MEF2A: variants seen among roughly 807,000 people sequenced by gnomAD.
The protein encoded by MEF2A is myocyte-specific enhancer factor 2A.
Under a neutral mutation model 55.8 loss-of-function variants are expected in MEF2A, and 28 were observed. The observed-to-expected ratio is 0.50, with a 90% confidence interval of 0.37 to 0.69. The LOEUF (loss-of-function observed/expected upper bound fraction) is 0.69, where lower values mean the gene tolerates loss of function less well. Among genes scored for constraint, MEF2A ranks in the 30% least tolerant of loss-of-function variants. The pLI is 0.00. For missense variants in MEF2A, 528 were observed against 626.2 expected (o/e 0.84, Z 1.67); for synonymous variants, 239 against 227.1 (o/e 1.05, Z -0.47).
rs184272479 is a variant in MEF2A, at chr15:99,663,162, G to A, written c.259-8161G>A. Among the ~76,000 whole-genome samples, 17 of 151,958 alleles carry A rather than the reference G, an allele frequency of 1.1e-4. No homozygotes were observed. The East Asian group carries it at 2.7e-3, about 24-fold the overall frequency. ...GATACTCCAGCAGTATAGGCTCTTC[G>A]ATCCAAAATGTAGTGTCATATGTCA... On this transcript the variant is annotated intron_variant, in intron 4 of 11. Coordinates refer to ENST00000557942, the MANE Select transcript of MEF2A (RefSeq NM_001319206.4).
intron 4 of MEF2A, among the ~76,000 whole-genome samples, chr15:99,670,345 A>G (rs1347336889): frequency 6.6e-6 from 1 of 152,230 alleles, no homozygotes; most frequent in Non-Finnish European, 1.5e-5. Flanking sequence ...ACAGTGGCTC[A>G]CGCCTGTAAT....
chr15:99,652,693 C>T (rs2047054140), intron 4 of MEF2A, among the ~76,000 whole-genome samples: 1 of 152,172 alleles, frequency 6.6e-6, no homozygotes, highest in Admixed American at 6.5e-5. Context: ...TGGATAGCCA[C>T]TGAAAGAGCT....
chr15:99,631,849 A>G (rs1596617452), intron 2 of MEF2A, among the ~76,000 whole-genome samples: 2 of 152,318 alleles, frequency 1.3e-5, no homozygotes, highest in South Asian at 4.1e-4. Context: ...ATAAGAAACG[A>G]AAGGCTTATA....
At chr15:99,696,995 A>G (rs970778834) in intron 8 of MEF2A, among the ~76,000 whole-genome samples, 3 of 152,148 alleles carry the variant, frequency 2.0e-5, no homozygotes, top group African/African-American at 7.2e-5. Context: ...GGCTGAGTCT[A>G]CATTTGAAAA....
intron 2 of MEF2A, among the ~76,000 whole-genome samples, chr15:99,627,419 CAAAAAAAAAAAAAA>C (rs139658538): frequency 2.6e-4 from 11 of 43,058 alleles, no homozygotes; most frequent in African/African-American, 6.6e-4. Flanking sequence ...GACTTTATCT[CAAAAAAAAAAAAAA>C]AAAAAAAAAA....
chr15:99,710,571 G>GT (rs1476236627), intron 10 of MEF2A, 63 bp from the exon 11 acceptor site: 3 of 1,569,556 alleles, frequency 1.9e-6, no homozygotes, highest in African/African-American at 2.7e-5. Flanking sequence ...CAGTAGCTAC[G>GT]TAAAAAATAG....
At chr15:99,606,144 C>T (rs2047981721) in intron 2 of MEF2A, among the ~76,000 whole-genome samples, 1 of 152,082 alleles carries the variant, frequency 6.6e-6, no homozygotes, top group Admixed American at 6.5e-5. Flanking sequence ...AAAACGCACA[C>T]TTTAGTAGGG....
intron 8 of MEF2A, 38 bp from the exon 9 acceptor site, chr15:99,703,324 T>G (rs1669757765): frequency 6.2e-7 from 1 of 1,610,110 alleles, no homozygotes; most frequent in East Asian, 2.2e-5. Context: ...ACCAACAGTC[T>G]TAGTAACTCT....
intron 1 of MEF2A, among the ~76,000 whole-genome samples, chr15:99,566,838 C>G (rs1489278235): frequency 1.3e-5 from 2 of 152,030 alleles, no homozygotes; most frequent in South Asian, 2.1e-4. Context: ...TGCGGACGCC[C>G]GATCGTGCGG....
intron 3 of MEF2A, among the ~76,000 whole-genome samples, chr15:99,644,688 C>G (rs2045645859): frequency 6.6e-6 from 1 of 152,186 alleles, no homozygotes; most frequent in African/African-American, 2.4e-5. Context: ...CTTTCAAAAA[C>G]TGTTTTTTAA....
chr15:99,590,975 A>G (rs140034958), intron 1 of MEF2A, among the ~76,000 whole-genome samples: 1 of 152,274 alleles, frequency 6.6e-6, no homozygotes, highest in African/African-American at 2.4e-5. Context: ...TATATCTTAG[A>G]GCAGTTTTAG....
At chr15:99,595,443 A>G (rs981220477) in intron 1 of MEF2A, among the ~76,000 whole-genome samples, 1 of 152,022 alleles carries the variant, frequency 6.6e-6, no homozygotes, top group Non-Finnish European at 1.5e-5. Context: ...ACCTTGTACT[A>G]TAGGTCTCCC....
intron 4 of MEF2A, among the ~76,000 whole-genome samples, chr15:99,667,593 T>G (rs965899258): frequency 2.6e-5 from 4 of 152,054 alleles, no homozygotes; most frequent in Non-Finnish European, 4.4e-5. Context: ...AATTAATTAG[T>G]GAGGGAGCCT....
intron 1 of MEF2A, among the ~76,000 whole-genome samples, chr15:99,569,905 TTTA>T (rs1305912465): frequency 1.3e-5 from 2 of 151,998 alleles, no homozygotes; most frequent in Non-Finnish European, 2.9e-5. Context: ...TTGTGTCCAG[TTTA>T]TTATAATTAA....
intron 3 of MEF2A, among the ~76,000 whole-genome samples, chr15:99,643,552 C>G (rs953923325): frequency 6.6e-6 from 1 of 151,242 alleles, no homozygotes; most frequent in Non-Finnish European, 1.5e-5. Context: ...TCAACAGATG[C>G]GGAGGTTTTT....
chr15:99,608,346 G>T (rs1194625613), intron 2 of MEF2A, among the ~76,000 whole-genome samples: 1 of 152,136 alleles, frequency 6.6e-6, no homozygotes, highest in African/African-American at 2.4e-5. Flanking sequence ...ATAGTAACAG[G>T]CTGTAAACAG....
intron 7 of MEF2A, among the ~76,000 whole-genome samples, chr15:99,683,848 G>A (rs1474794328): frequency 2.6e-5 from 4 of 151,880 alleles, no homozygotes; most frequent in South Asian, 2.1e-4. Context: ...AGTCTTTTAT[G>A]CCTCACTCCC....
At chr15:99,596,351 T>C (rs370334705) in intron 1 of MEF2A, among the ~76,000 whole-genome samples, 6 of 152,176 alleles carry the variant, frequency 3.9e-5, no homozygotes, top group East Asian at 1.9e-4. Context: ...ACCATTAGAT[T>C]AAAAGCTGAA....
intron 8 of MEF2A, among the ~76,000 whole-genome samples, chr15:99,696,328 G>C (rs1292037235): frequency 6.6e-6 from 1 of 152,132 alleles, no homozygotes; most frequent in Non-Finnish European, 1.5e-5. Context: ...AGTGCACATG[G>C]AACATTCACC....
Sources: gnomAD v4.1 joint callset for allele counts (sites outside exome capture counted in the v4.1 genomes callset) on GRCh38, gnomAD v4.1.1 for gene constraint, MANE v1.5 for transcripts, NCBI Gene and HGNC (gene_info 2026-07-23, HGNC 2026-07-21) for gene names.